The following QTMAN variants were observed in gnomAD, a reference collection of about 807,000 sequenced individuals.
QTMAN encodes the protein queuosine-tRNA mannosyltransferase, also known as tRNA-queuosine alpha-mannosyltransferase.
At chr2:144,320,539 G>A in the QTMAN span, among the ~76,000 whole-genome samples, 2 of 152,104 alleles carry the variant, frequency 1.3e-5, no homozygotes, top group Non-Finnish European at 2.9e-5. Flanking sequence ...TTGACTTTGG[G>A]CAGGAAGAGG....
chr2:144,068,680 T>C, the QTMAN span, among the ~76,000 whole-genome samples: 1 of 152,208 alleles, frequency 6.6e-6, no homozygotes, highest in African/African-American at 2.4e-5. Flanking sequence ...GTGATGTTTA[T>C]AGGGTTAGTA....
chr2:144,332,657 T>G, the QTMAN span: 3 of 151,548 alleles, frequency 2.0e-5, no homozygotes, highest in East Asian at 2.0e-4. Context: ...CGGACTCCGC[T>G]GGCGCGAGGT....
the QTMAN span, among the ~76,000 whole-genome samples, chr2:143,981,924 T>C: frequency 1.3e-5 from 2 of 152,226 alleles, no homozygotes; most frequent in Admixed American, 1.3e-4. Flanking sequence ...TCTATTACTC[T>C]ACTGAGTCCC....
the QTMAN span, among the ~76,000 whole-genome samples, chr2:144,291,721 G>A: frequency 1.3e-5 from 2 of 152,096 alleles, no homozygotes; most frequent in African/African-American, 2.4e-5. Flanking sequence ...CTTATTACCC[G>A]TACTTAATGA....
chr2:144,031,747 T>G, the QTMAN span, among the ~76,000 whole-genome samples: 1 of 152,140 alleles, frequency 6.6e-6, no homozygotes, highest in Admixed American at 6.6e-5. Flanking sequence ...TTAGGGGGTA[T>G]GATTACTTCT....
the QTMAN span, among the ~76,000 whole-genome samples, chr2:144,133,139 A>AT: frequency 1.6e-3 from 66 of 42,024 alleles, no homozygotes; most frequent in African/African-American, 9.8e-3. Flanking sequence ...ATATATATAT[A>AT]TATATATATA....
the QTMAN span, among the ~76,000 whole-genome samples, chr2:143,962,730 A>G: frequency 2.0e-5 from 3 of 152,202 alleles, no homozygotes; most frequent in Admixed American, 6.5e-5. Context: ...CCTGTTCACT[A>G]TGGGACAGTA....
At chr2:144,205,305 C>T in the QTMAN span, among the ~76,000 whole-genome samples, 8 of 152,236 alleles carry the variant, frequency 5.3e-5, no homozygotes, top group East Asian at 1.9e-4. Context: ...TTCATGGTTG[C>T]GGACATCACA....
At chr2:144,144,691 C>T in the QTMAN span, among the ~76,000 whole-genome samples, 1 of 151,888 alleles carries the variant, frequency 6.6e-6, no homozygotes, top group Non-Finnish European at 1.5e-5. Context: ...TGTAGGAAAA[C>T]ATTCACAAAA....
the QTMAN span, among the ~76,000 whole-genome samples, chr2:143,968,281 G>C: frequency 5.3e-5 from 8 of 152,132 alleles, no homozygotes; most frequent in Non-Finnish European, 1.0e-4. Context: ...CTTCCTGTGG[G>C]CTTCCACAGT....
the QTMAN span, among the ~76,000 whole-genome samples, chr2:144,188,821 C>T: frequency 6.6e-6 from 1 of 151,974 alleles, no homozygotes; most frequent in Admixed American, 6.6e-5. Flanking sequence ...ATGAAAATTA[C>T]TAATATAAAA....
chr2:144,177,672 T>C, the QTMAN span, among the ~76,000 whole-genome samples: 2 of 152,074 alleles, frequency 1.3e-5, no homozygotes, highest in South Asian at 2.1e-4. Flanking sequence ...GTAAAAAATA[T>C]AACCAAAGAA....
the QTMAN span, among the ~76,000 whole-genome samples, chr2:144,287,175 G>A: frequency 6.6e-6 from 1 of 152,182 alleles, no homozygotes; most frequent in Non-Finnish European, 1.5e-5. Context: ...GGTGGCTCAC[G>A]CCTGTAATCC....
chr2:144,154,926 G>T, the QTMAN span, among the ~76,000 whole-genome samples: 1 of 152,094 alleles, frequency 6.6e-6, no homozygotes, highest in East Asian at 1.9e-4. Flanking sequence ...ATGAATAAAT[G>T]GAGTGAATGG....
chr2:143,957,466 T>C, the QTMAN span: 1 of 538,500 alleles, frequency 1.9e-6, no homozygotes, highest in East Asian at 3.3e-5. Context: ...TTCTTGGAGT[T>C]GTTTGCTTTT....
chr2:144,049,105 T>C, the QTMAN span, among the ~76,000 whole-genome samples: 3 of 152,084 alleles, frequency 2.0e-5, no homozygotes, highest in African/African-American at 4.8e-5. Flanking sequence ...GTTGGGTTTT[T>C]CTCCCCTAAA....
At chr2:144,095,730 G>A in the QTMAN span, among the ~76,000 whole-genome samples, 8 of 151,854 alleles carry the variant, frequency 5.3e-5, no homozygotes, top group East Asian at 7.7e-4. Flanking sequence ...TCCCACTTCC[G>A]CCAGCATTGC....
At chr2:144,024,511 G>C in the QTMAN span, among the ~76,000 whole-genome samples, 1 of 152,308 alleles carries the variant, frequency 6.6e-6, no homozygotes, top group Admixed American at 6.5e-5. Flanking sequence ...AAGAGGTAAG[G>C]TTGGTTGAAG....
the QTMAN span, among the ~76,000 whole-genome samples, chr2:144,039,586 A>G: frequency 6.6e-6 from 1 of 152,168 alleles, no homozygotes; most frequent in Admixed American, 6.5e-5. Flanking sequence ...TGGAAGATAA[A>G]AATGCATTTT....
Sources: allele counts gnomAD v4.1 joint callset (sites outside exome capture counted in the v4.1 genomes callset), GRCh38; gene constraint gnomAD v4.1.1; transcripts MANE v1.5; gene names NCBI Gene and HGNC (gene_info 2026-07-23, HGNC 2026-07-21).